ADAM28: variants seen among roughly 807,000 people sequenced by gnomAD.
ADAM28 encodes disintegrin and metalloproteinase domain-containing protein 28.
A neutral mutation model predicts 101.2 loss-of-function variants in ADAM28; 105 were observed. That is an observed-to-expected ratio of 1.04 (90% CI 0.89 to 1.22). The LOEUF (loss-of-function observed/expected upper bound fraction) is 1.22, where lower values mean the gene tolerates loss of function less well. ADAM28 is among the 50% of genes most tolerant of loss of function. ADAM28 has a pLI of 0.00. For synonymous variants in ADAM28, 322 were observed against 310.6 expected (o/e 1.04, Z -0.39); for missense variants, 1,028 against 945.4 (o/e 1.09, Z -1.15).
chr8:24,312,970 T>A (rs535692066), intron 5 of ADAM28, among the ~76,000 whole-genome samples: 1 of 152,300 alleles, frequency 6.6e-6, no homozygotes, highest in East Asian at 1.9e-4. Flanking sequence ...TTTAAAGAAT[T>A]TTCCAAATGT....
In ADAM28 at chr8:24,343,157, C is replaced by T. The variant is rs1365080574; in HGVS notation, c.1887C>T (p.Cys629=). 2 of 1,613,820 alleles carry T rather than the reference C, an allele frequency of 1.2e-6. No individual in the cohort carries two copies. Among genetic ancestry groups the T allele is most frequent in the African/African-American group, 1.3e-5 (1 of 75,024 alleles). Reference sequence around the variant, plus strand: ...AGAAAGCCTACAAATCAACCAATTGCTCATCTAAGTGCAAAGGACATGCTG... The same window carrying T: ...AGAAAGCCTACAAATCAACCAATTGTTCATCTAAGTGCAAAGGACATGCTG... ...DIEKAYKSTN[C]SSKCKGHAVC... is the part of the protein sequence containing the mutation. Residue 629 remains cysteine (C), a synonymous_variant, in exon 17 of 23, where the codon TGC becomes TGT. Coordinates refer to ENST00000265769, the MANE Select transcript of ADAM28 (RefSeq NM_014265.6).
At position 24,340,095 on chromosome 8, in the gene ADAM28, C is replaced by T. The variant is rs191814150; in HGVS notation, c.1670+527C>T. ...GTTTGTTAGTTTTAGTACTGATATC[C>T]GGGAAAACACTATAGAACAGCACAC... On this transcript the variant is annotated intron_variant, in intron 15 of 22. Coordinates refer to ENST00000265769, the MANE Select transcript of ADAM28 (RefSeq NM_014265.6). Among the ~76,000 whole-genome samples, 320 of 152,068 alleles carry T rather than the reference C, an allele frequency of 2.1e-3. 1 individual carries two copies. The highest frequency in any genetic ancestry group is 7.1e-3 in the African/African-American group (294 of 41,472).
At chr8:24,345,464 C>T (rs1457690085) in intron 18 of ADAM28, among the ~76,000 whole-genome samples, 1 of 151,904 alleles carries the variant, frequency 6.6e-6, no homozygotes, top group East Asian at 1.9e-4. Context: ...TGTTAATTCT[C>T]TTATTACTTA....
chr8:24,317,710 C>A (rs1365950016), intron 6 of ADAM28, among the ~76,000 whole-genome samples: 1 of 151,768 alleles, frequency 6.6e-6, no homozygotes, highest in African/African-American at 2.4e-5. Context: ...AGCTTCTGCA[C>A]AGCAAAGCAA....
At chr8:24,335,685 T>C (rs1359593166) in intron 14 of ADAM28, 44 bp downstream of exon 14, 1 of 1,502,438 alleles carries the variant, frequency 6.7e-7, no homozygotes, top group East Asian at 2.4e-5. Flanking sequence ...CGAAGGAAAA[T>C]CATTTCAGAT....
At chr8:24,304,155 A>T (rs911487963) in intron 2 of ADAM28, among the ~76,000 whole-genome samples, 17 of 151,092 alleles carry the variant, frequency 1.1e-4, no homozygotes, top group African/African-American at 3.9e-4. Flanking sequence ...TCACGACTGT[A>T]AAAAATAAAT....
At chr8:24,331,363 T>A in intron 12 of ADAM28, 36 bp downstream of exon 12, 1 of 1,557,170 alleles carries the variant, frequency 6.4e-7, no homozygotes, top group Non-Finnish European at 8.7e-7. Context: ...ATCTAGTTGG[T>A]TTTTCAGTTG....
At chr8:24,339,049 GA>G (rs145355319) in intron 14 of ADAM28, among the ~76,000 whole-genome samples, 3,340 of 152,022 alleles carry the variant, frequency 0.022, 54 homozygotes, top group Non-Finnish European at 0.036. Flanking sequence ...TTATTTTACA[GA>G]TGAGAAAACT....
intron 7 of ADAM28, 25 bp downstream of exon 7, chr8:24,320,332 G>A (rs1295335139): frequency 3.4e-6 from 5 of 1,487,298 alleles, no homozygotes; most frequent in Non-Finnish European, 3.7e-6. Flanking sequence ...TAAATGTGCT[G>A]TCTTCCAAAA....
At chr8:24,302,397 A>T (rs1401567529) in intron 2 of ADAM28, among the ~76,000 whole-genome samples, 1 of 152,208 alleles carries the variant, frequency 6.6e-6, no homozygotes, top group African/African-American at 2.4e-5. Context: ...GCCGCAATGA[A>T]CATGTGCATG....
chr8:24,345,040 A>C (rs1384004978), intron 18 of ADAM28, among the ~76,000 whole-genome samples: 2 of 151,824 alleles, frequency 1.3e-5, no homozygotes, highest in African/African-American at 2.4e-5. Flanking sequence ...AAAAAAAAAA[A>C]AACAAGGCCA....
chr8:24,306,338 C>T lies in ADAM28; in HGVS notation c.151-3556C>T, dbSNP rs1261985984. 2.4e-5 allele frequency among the ~76,000 whole-genome samples: 3 copies of T among 126,554 alleles called. 1 individual carries two copies. Among genetic ancestry groups the T allele is most frequent in the African/African-American group, 1.1e-4 (3 of 27,854 alleles). The allele number at this position is 126,554 out of a possible 152,430, so 83.0% of individuals were successfully genotyped here. A position where few individuals can be genotyped will look rare whatever the true frequency, so the allele number is the denominator to read the frequency against. ...CAGCCTGGGTGACAGAGTGAGACTC[C>T]ATCTCAAATACAAATAAATAAATAA... On this transcript the variant is annotated intron_variant, in intron 2 of 22. Transcript: ENST00000265769.
At chr8:24,346,602 C>T (rs1311286972) in intron 18 of ADAM28, among the ~76,000 whole-genome samples, 2 of 152,064 alleles carry the variant, frequency 1.3e-5, no homozygotes, top group African/African-American at 4.8e-5. Context: ...CATGGCCATA[C>T]ACAGCCATTG....
At position 24,349,945 on chromosome 8, in the gene ADAM28, C is replaced by T. The variant is rs1815874201; in HGVS notation, c.2072C>T (p.Ser691Phe). ...VVAMVIRHQSSREKQKKDQRP... is the reference protein window; with the variant it reads ...VVAMVIRHQSFREKQKKDQRP... ...GCTATGGTAATCCGGCACCAGAGCT[C>T]CAGAGAAAAGCAGAAGAAAGATCAG... The change falls in exon 19 of 23, where the codon TCC (serine) becomes TTC (phenylalanine). Residue 691 changes from serine (S) to phenylalanine (F), a missense_variant. By Grantham distance (155) the Ser-to-Phe change is radical. Transcript: ENST00000265769. 1.9e-6 allele frequency: 3 copies of T among 1,613,426 alleles called. No individual in the cohort carries two copies. Among genetic ancestry groups the T allele is most frequent in the Non-Finnish European group, 2.5e-6 (3 of 1,179,716 alleles).
rs1211024725 is a variant in ADAM28, at chr8:24,355,567, T to C, written c.*1163T>C. On this transcript the variant is annotated 3_prime_UTR_variant, in exon 23 of 23. Transcript: ENST00000265769. ...CAGAGGAATTATGTTACAACACTTC[T>C]GGAAAATTTTTCCTCGTCTCTTTTT... The C allele has an allele frequency of 6.6e-6, 1 of 151,834 alleles. No homozygotes were observed. Among genetic ancestry groups the C allele is most frequent in the Non-Finnish European group, 1.5e-5 (1 of 67,938 alleles). The allele number at this position is 151,834 out of a possible 1,614,324, so 9.4% of individuals were successfully genotyped here.
In ADAM28 at chr8:24,344,309, A is replaced by C. The variant is rs188718131; in HGVS notation, c.1990+725A>C. On this transcript the variant is annotated intron_variant, in intron 18 of 22. Coordinates refer to ENST00000265769, the MANE Select transcript of ADAM28 (RefSeq NM_014265.6). ...TCTCCTGAGAGAGCTGCTTTTTCTC[A>C]TCATCATCTCATTGACGCTCCCCTC... Among the ~76,000 whole-genome samples, 5 of 151,876 alleles carry C rather than the reference A, an allele frequency of 3.3e-5. No individual in the cohort carries two copies. The East Asian group carries it at 7.7e-4, about 24-fold the overall frequency.
In ADAM28 at chr8:24,306,357, TAA is replaced by T. The variant is rs1563270441; in HGVS notation, c.151-3535_151-3534del. Among the ~76,000 whole-genome samples the T allele has an allele frequency of 8.3e-4, 99 of 118,628 alleles. 3 individuals are homozygous for T. The highest frequency in any genetic ancestry group is 1.8e-3 in the South Asian group (7 of 4,000). 77.8% of individuals were successfully genotyped at this position (118,628 alleles called of 152,430 possible). A position where few individuals can be genotyped will look rare whatever the true frequency, so the allele number is the denominator to read the frequency against. On this transcript the variant is annotated intron_variant, in intron 2 of 22. Transcript: ENST00000265769. Reference sequence around the variant, plus strand: ...AGACTCCATCTCAAATACAAATAAATAAATAAATATATATATATATATATATA... The same window carrying T: ...AGACTCCATCTCAAATACAAATAAATATAAATATATATATATATATATATA...
chr8:24,352,023 G>A lies in ADAM28; in HGVS notation c.2215G>A (p.Val739Ile), dbSNP rs1176954370. The change falls in exon 21 of 23, where the codon GTA becomes ATA. Residue 739 changes from valine (V) to isoleucine (I), a missense_variant. By Grantham distance (29) the Val-to-Ile change is conservative (BLOSUM62 3). Transcript: ENST00000265769. Reference protein sequence around the residue: ...QMKPHVYDLPVEGNEPPASFH... With the variant: ...QMKPHVYDLPIEGNEPPASFH... ...GAAGCCCCATGTGTATGATCTGCCA[G>A]TAGAAGGCAATGAGCCCCCAGCCTC... 2 of 1,613,628 alleles carry A rather than the reference G, an allele frequency of 1.2e-6. No individual in the cohort carries two copies. Among genetic ancestry groups the A allele is most frequent in the Admixed American group, 1.7e-5 (1 of 59,972 alleles).
chr8:24,306,419 C>T (rs920737754), intron 2 of ADAM28, among the ~76,000 whole-genome samples: 1 of 138,280 alleles, frequency 7.2e-6, no homozygotes, highest in Non-Finnish European at 1.5e-5. Context: ...CCACACAACA[C>T]TTCTGATATA....
Sources: allele counts gnomAD v4.1 joint callset (sites outside exome capture counted in the v4.1 genomes callset), GRCh38; gene constraint gnomAD v4.1.1; transcripts MANE v1.5; gene names NCBI Gene and HGNC (gene_info 2026-07-23, HGNC 2026-07-21).